Variants in DENND2B observed in about 807,000 individuals in gnomAD.
DENND2B encodes DENN domain-containing protein 2B.
A neutral mutation model predicts 116.0 loss-of-function variants in DENND2B; 32 were observed. The ratio of observed to expected loss-of-function variants is 0.28; its 90% CI spans 0.21 to 0.37. DENND2B has a LOEUF of 0.37. Ranked by LOEUF, DENND2B falls within the 10% of genes least tolerant of loss-of-function variation. The pLI is 1.00. For missense variants in DENND2B, 1,276 were observed against 1,477.7 expected (o/e 0.86, Z 2.24); for synonymous variants, 588 against 583.9 (o/e 1.01, Z -0.10).
intron 1 of DENND2B, among the ~76,000 whole-genome samples, chr11:8,908,386 G>C (rs1391788962): frequency 6.6e-6 from 1 of 152,184 alleles, no homozygotes; most frequent in Non-Finnish European, 1.5e-5. Flanking sequence ...GTAAGTGAGA[G>C]CATATTTTGG....
chr11:8,738,295 C>G (rs1267180818), intron 2 of DENND2B, among the ~76,000 whole-genome samples: 2 of 152,218 alleles, frequency 1.3e-5, no homozygotes, highest in South Asian at 2.1e-4. Context: ...TTGAGCGTCT[C>G]AGGACATCAC....
intron 1 of DENND2B, chr11:8,776,366 A>G: frequency 2.5e-6 from 1 of 398,920 alleles, no homozygotes; most frequent in South Asian, 1.9e-5. Flanking sequence ...TCAGGCTGAG[A>G]AGCCATTCAA....
At chr11:8,780,724 G>T (rs542409767) in intron 1 of DENND2B, among the ~76,000 whole-genome samples, 2 of 152,316 alleles carry the variant, frequency 1.3e-5, no homozygotes, top group African/African-American at 2.4e-5. Context: ...ATGGGTCAGA[G>T]ATTATGCTTC....
intron 3 of DENND2B, among the ~76,000 whole-genome samples, chr11:8,855,753 C>A (rs1166670814): frequency 6.6e-6 from 1 of 152,008 alleles, no homozygotes; most frequent in Non-Finnish European, 1.5e-5. Context: ...AAACTTAATA[C>A]AAAGGAGCTA....
chr11:8,698,166 A>AAAAAAGG (rs1555092981), intron 16 of DENND2B, among the ~76,000 whole-genome samples: 17 of 129,448 alleles, frequency 1.3e-4, no homozygotes, highest in Non-Finnish European at 1.9e-4. Flanking sequence ...AAAAAAAAAA[A>AAAAAAGG]GGGGGTAGAG....
intron 2 of DENND2B, among the ~76,000 whole-genome samples, chr11:8,867,600 A>G (rs1429768188): frequency 1.2e-5 from 1 of 81,874 alleles, no homozygotes; most frequent in Non-Finnish European, 2.4e-5. Flanking sequence ...TTTTTTTGAG[A>G]CAGGGTCTCA....
intron 2 of DENND2B, among the ~76,000 whole-genome samples, chr11:8,878,272 G>A (rs907109807): frequency 6.6e-6 from 1 of 151,922 alleles, no homozygotes; most frequent in South Asian, 2.1e-4. Context: ...TCCACTCCTG[G>A]GTATATACCC....
chr11:8,720,096 AG>A (rs1323991643), intron 4 of DENND2B, among the ~76,000 whole-genome samples: 4 of 152,068 alleles, frequency 2.6e-5, no homozygotes, highest in Non-Finnish European at 2.9e-5. Context: ...GGACGGACAG[AG>A]GGAAGGAGGG....
intron 2 of DENND2B, among the ~76,000 whole-genome samples, chr11:8,736,738 G>C (rs2049116458): frequency 6.6e-6 from 1 of 152,224 alleles, no homozygotes; most frequent in Non-Finnish European, 1.5e-5. Flanking sequence ...GGAGGCCAGT[G>C]TGGCCAGAGT....
chr11:8,891,100 GAAAAGAATTTTCAACCCAGAATTTCAT>G (rs1364409487), intron 1 of DENND2B, among the ~76,000 whole-genome samples: 4 of 152,172 alleles, frequency 2.6e-5, no homozygotes, highest in Non-Finnish European at 5.9e-5. Context: ...CATTCTTAAA[GAAAAGAATTTTCAACCCAGAATTTCAT>G]ATCCAGCCAA....
chr11:8,833,853 T>C (rs989490617), intron 4 of DENND2B, among the ~76,000 whole-genome samples: 1 of 152,112 alleles, frequency 6.6e-6, no homozygotes, highest in East Asian at 1.9e-4. Context: ...AATTGCATAA[T>C]AAGGGTCTGC....
chr11:8,790,834 T>A (rs1349156269), intron 1 of DENND2B, among the ~76,000 whole-genome samples: 1 of 152,174 alleles, frequency 6.6e-6, no homozygotes, highest in Non-Finnish European at 1.5e-5. Flanking sequence ...CGCTAAATCC[T>A]GCTTTTCTCG....
chr11:8,807,796 C>T (rs1684410802), intron 1 of DENND2B: 1 of 152,190 alleles, frequency 6.6e-6, no homozygotes, highest in African/African-American at 2.4e-5. Context: ...GCTGTTGTGA[C>T]ATGACTCAAC....
At chr11:8,713,961 T>C in intron 8 of DENND2B, 37 bp downstream of exon 8, 3 of 1,609,136 alleles carry the variant, frequency 1.9e-6, no homozygotes, top group Non-Finnish European at 2.6e-6. Flanking sequence ...GCAGCCCTGC[T>C]GGGAGAGCTT....
chr11:8,717,753 G>C lies in DENND2B; in HGVS notation c.1617C>G (p.Ser539Arg). 1.3e-6 allele frequency: 2 copies of C among 1,569,492 alleles called. No homozygotes were observed. The highest frequency in any genetic ancestry group is 1.7e-6 in the Non-Finnish European group (2 of 1,152,140). ...AGGGCTGAGTTACCTGTGTGGGCGG[G>C]CTGTTGTACTTCCTGTCCTGAGGAC... ...MWSPQDRKYN[S>R]PPTQLSLKPN... is the part of the protein sequence containing the mutation. The change falls in exon 5 of 20, where the codon AGC becomes AGG. Residue 539 changes from serine (S) to arginine (R), a missense_variant. By Grantham distance (110) the Ser-to-Arg change is moderately radical. Transcript: ENST00000313726.
chr11:8,873,212 C>T (rs2063809829), upstream of DENND2B, among the ~76,000 whole-genome samples: 1 of 152,204 alleles, frequency 6.6e-6, no homozygotes, highest in Non-Finnish European at 1.5e-5. Context: ...AAAGACAACT[C>T]AACAGACAGC....
chr11:8,738,605 C>T (rs971390693), intron 2 of DENND2B, among the ~76,000 whole-genome samples: 2 of 152,184 alleles, frequency 1.3e-5, no homozygotes, highest in Non-Finnish European at 2.9e-5. Context: ...TCCTCCCCAT[C>T]CCTGCTGCTA....
Position 8,733,105 on chromosome 11 carries a change from T to C in DENND2B, c.81-1896A>G, listed in dbSNP as rs562828494. ...TGTATATGGGCACAGATGAGAGAAA[T>C]TCAGTGCCAAGCCAAGCCAATGACC... On this transcript the variant is annotated intron_variant, in intron 2 of 19. Transcript: ENST00000313726. Among the ~76,000 whole-genome samples the C allele has an allele frequency of 8.4e-4, 128 of 152,246 alleles. 2 individuals are homozygous for C. The highest frequency in any genetic ancestry group is 1.6e-3 in the Non-Finnish European group (110 of 68,014).
chr11:8,707,984 C>T lies in DENND2B; in HGVS notation c.2353-130G>A, dbSNP rs898595539. 2.6e-6 allele frequency: 4 copies of T among 1,531,540 alleles called. No individual in the cohort carries two copies. In the African/African-American group the frequency reaches 5.5e-5, roughly 21 times the overall value. The allele number at this position is 1,531,540 out of a possible 1,614,324, so 94.9% of individuals were successfully genotyped here. A position where few individuals can be genotyped will look rare whatever the true frequency, so the allele number is the denominator to read the frequency against. ...CTAGTGGAGGAAGACTTTAAGCCTC[C>T]TCTAAACCTCTCTGCAACCAGAGCC... On this transcript the variant is annotated intron_variant, in intron 11 of 19. Coordinates refer to ENST00000313726, the MANE Select transcript of DENND2B (RefSeq NM_213618.2). The surrounding 1 kb of genome is among the most constrained non-coding windows in gnomAD (Gnocchi z 4.8).
Sources: gnomAD v4.1 joint callset for allele counts (sites outside exome capture counted in the v4.1 genomes callset) on GRCh38, gnomAD v4.1.1 for gene constraint, Gnocchi (gnomAD v3.1) non-coding constraint, MANE v1.5 for transcripts, NCBI Gene and HGNC (gene_info 2026-07-23, HGNC 2026-07-21) for gene names.